BRSK2: variants seen among roughly 807,000 people sequenced by gnomAD.
The protein encoded by BRSK2 is BR serine/threonine kinase 2, also known as serine/threonine-protein kinase BRSK2.
A neutral mutation model predicts 83.3 loss-of-function variants in BRSK2; 19 were observed. The observed-to-expected ratio is 0.23, with a 90% CI of 0.16 to 0.33. The LOEUF is 0.33. Ranked by LOEUF, BRSK2 falls within the 10% of genes least tolerant of loss-of-function variation. BRSK2 has a pLI of 1.00. For missense variants in BRSK2, 798 were observed against 1,042.3 expected, an observed-to-expected ratio of 0.77 and a Z score of 3.23; for synonymous variants, 519 against 435.4, an observed-to-expected ratio of 1.19 and a Z score of -2.39.
At chr11:1,434,059 T>C (rs990888645) in intron 1 of BRSK2, among the ~76,000 whole-genome samples, 1 of 152,230 alleles carries the variant, frequency 6.6e-6, no homozygotes, top group Admixed American at 6.5e-5. Flanking sequence ...AAAGGATTAA[T>C]TTCCCAAAAA....
chr11:1,413,820 C>G (rs1297252850), intron 1 of BRSK2, among the ~76,000 whole-genome samples: 1 of 152,216 alleles, frequency 6.6e-6, no homozygotes, highest in East Asian at 1.9e-4. Flanking sequence ...GGCCCCAGAG[C>G]CAAGGAGCAG....
intron 1 of BRSK2, among the ~76,000 whole-genome samples, chr11:1,427,056 C>G (rs1006804507): frequency 3.9e-5 from 6 of 152,128 alleles, no homozygotes; most frequent in Admixed American, 6.5e-5. Flanking sequence ...CCAGGGCCCC[C>G]TACCCAAACT....
Position 1,392,864 on chromosome 11 carries a change from G to A in BRSK2, c.91+2489G>A, listed in dbSNP as rs190499164. 1.4e-4 allele frequency among the ~76,000 whole-genome samples: 22 copies of A among 152,270 alleles called. No homozygotes were observed. In the East Asian group the frequency reaches 4.1e-3, roughly 28 times the overall value. ...GTAGGGTCGTCCTTCTGCATGGGGCGTCCTCTGCACAGCTCCCCTCGGTGG... is the reference window on the plus strand; with the variant it reads ...GTAGGGTCGTCCTTCTGCATGGGGCATCCTCTGCACAGCTCCCCTCGGTGG... On this transcript the variant is annotated intron_variant, in intron 1 of 19. Transcript: ENST00000528841.
intron 1 of BRSK2, among the ~76,000 whole-genome samples, chr11:1,433,260 C>A (rs1057218491): frequency 6.6e-5 from 10 of 152,366 alleles, no homozygotes; most frequent in African/African-American, 2.4e-4. Flanking sequence ...GGCTTCGCCA[C>A]CTACCCTGGG....
In BRSK2 at chr11:1,442,988, G is replaced by C. The variant is rs571456080; in HGVS notation, c.531-118G>C. 3.4e-6 allele frequency: 4 copies of C among 1,180,484 alleles called. No homozygotes were observed. The South Asian group carries it at 6.2e-5, about 18-fold the overall frequency. The allele number at this position is 1,180,484 out of a possible 1,614,324, so 73.1% of individuals were successfully genotyped here. ...CGCCTGGGGATGCAGGGAATGTGGGGGCGTCTGGCACCACAGCCCTGGAGG... is the reference window on the plus strand; with the variant it reads ...CGCCTGGGGATGCAGGGAATGTGGGCGCGTCTGGCACCACAGCCCTGGAGG... On this transcript the variant is annotated intron_variant, in intron 5 of 19. Transcript: ENST00000528841.
At position 1,442,618 on chromosome 11, in the gene BRSK2, T is replaced by C. The variant is rs769473741; in HGVS notation, c.530+12T>C. On this transcript the variant is annotated intron_variant, in intron 5 of 19. Coordinates refer to ENST00000528841, the MANE Select transcript of BRSK2 (RefSeq NM_001256627.2). ...GAGACCAGCTGTGGGTACGTGGCCC[T>C]CTGCCCTGGAGAGAGGCTGGGGGAC... 6.3e-7 allele frequency: 1 copy of C among 1,598,062 alleles called. No homozygotes were observed. Among genetic ancestry groups the C allele is most frequent in the South Asian group, 1.1e-5 (1 of 90,760 alleles).
At chr11:1,448,756 C>A (rs897058659) in intron 12 of BRSK2, among the ~76,000 whole-genome samples, 2 of 152,224 alleles carry the variant, frequency 1.3e-5, no homozygotes, top group African/African-American at 4.8e-5. Context: ...ATGGGGTCCC[C>A]GTCGCCTCCC....
chr11:1,440,859 C>T lies in BRSK2; in HGVS notation c.344C>T (p.Pro115Leu). 2 of 1,607,760 alleles carry T rather than the reference C, an allele frequency of 1.2e-6. No homozygotes were observed. Among genetic ancestry groups the T allele is most frequent in the Non-Finnish European group, 1.7e-6 (2 of 1,177,300 alleles). The change falls in exon 4 of 20, where the codon CCT becomes CTT. Residue 115 changes from proline to leucine, a missense_variant. Pro to Leu is a moderately conservative substitution (Grantham distance 98). This residue lies in a region of BRSK2 where 109 missense variants were observed against 259.2 expected (regional missense o/e 0.42). Coordinates refer to ENST00000528841, the MANE Select transcript of BRSK2 (RefSeq NM_001256627.2). Reference protein sequence around the residue: ...DYLVKKGRLTPKEARKFFRQI... With the variant: ...DYLVKKGRLTLKEARKFFRQI... Reference sequence around the variant, plus strand: ...CTGGTGAAGAAGGGGAGGCTGACGCCTAAGGAGGCTCGGAAGTTCTTCCGG... The same window carrying T: ...CTGGTGAAGAAGGGGAGGCTGACGCTTAAGGAGGCTCGGAAGTTCTTCCGG...
chr11:1,393,041 C>G (rs968570994), intron 1 of BRSK2, among the ~76,000 whole-genome samples: 4 of 152,254 alleles, frequency 2.6e-5, no homozygotes, highest in Admixed American at 6.5e-5. Flanking sequence ...GGGGTGGGAA[C>G]CCACCTGCAA....
At chr11:1,392,059 T>A (rs1845762083) in intron 1 of BRSK2, among the ~76,000 whole-genome samples, 1 of 152,214 alleles carries the variant, frequency 6.6e-6, no homozygotes, top group Non-Finnish European at 1.5e-5. Flanking sequence ...TCCCGAGTTA[T>A]GACGGGCAGA....
chr11:1,410,850 G>A, intron 1 of BRSK2: 1 of 985,518 alleles, frequency 1.0e-6, no homozygotes, highest in Non-Finnish European at 1.2e-6. Context: ...GTGGCCTGAG[G>A]AGGAGCTTCA....
Position 1,440,898 on chromosome 11 carries a change from C to T in BRSK2, c.383C>T (p.Ala128Val). 3 of 1,609,364 alleles carry T rather than the reference C, an allele frequency of 1.9e-6. No homozygotes were observed. The highest frequency in any genetic ancestry group is 2.5e-6 in the Non-Finnish European group (3 of 1,178,740). ...ARKFFRQIIS[A>V]LDFCHSHSIC... Reference sequence around the variant, plus strand: ...AAGTTCTTCCGGCAGATCATCTCTGCGCTGGACTTCTGCCACAGCCACTCC... The same window carrying T: ...AAGTTCTTCCGGCAGATCATCTCTGTGCTGGACTTCTGCCACAGCCACTCC... The change falls in exon 4 of 20, where the codon GCG (alanine) becomes GTG (valine). Residue 128 changes from alanine to valine, a missense_variant. Coordinates refer to ENST00000528841, the MANE Select transcript of BRSK2 (RefSeq NM_001256627.2).
chr11:1,443,164 C>A, intron 6 of BRSK2, 25 bp downstream of exon 6: 5 of 1,537,104 alleles, frequency 3.3e-6, no homozygotes, highest in Non-Finnish European at 4.4e-6. Context: ...CCGCGTGCAG[C>A]TCTGTGGGGC....
At chr11:1,410,506 G>C in intron 1 of BRSK2, 1 of 985,472 alleles carries the variant, frequency 1.0e-6, no homozygotes, top group South Asian at 4.7e-5. Context: ...TGCTGGGCCC[G>C]CAGACTTCGG....
chr11:1,459,416 C>T, intron 19 of BRSK2, 177 bp downstream of exon 19: 1 of 676,764 alleles, frequency 1.5e-6, no homozygotes, highest in Middle Eastern at 3.7e-4. Context: ...CAGGTCGCTC[C>T]CCTACCACAG....
At chr11:1,445,529 G>C in intron 10 of BRSK2, 42 bp from the exon 11 acceptor site, 1 of 1,600,476 alleles carries the variant, frequency 6.2e-7, no homozygotes, top group East Asian at 2.3e-5. Flanking sequence ...GGAGCCGGCG[G>C]CCCCGTGTGC....
intron 1 of BRSK2, among the ~76,000 whole-genome samples, chr11:1,393,743 C>G (rs1415293901): frequency 6.6e-6 from 1 of 152,110 alleles, no homozygotes; most frequent in Non-Finnish European, 1.5e-5. Context: ...TGGGGGTGAC[C>G]CCAGGCCCAG....
In BRSK2 at chr11:1,461,561, T is replaced by G. The variant is rs921829370; in HGVS notation, c.*838T>G. ...GTGTTATTTATTTGCCGTTTTAATTTATGGATTCTCCGCACCTCTGTTCAG... is the reference window on the plus strand; with the variant it reads ...GTGTTATTTATTTGCCGTTTTAATTGATGGATTCTCCGCACCTCTGTTCAG... On this transcript the variant is annotated 3_prime_UTR_variant, in exon 20 of 20. Transcript: ENST00000528841. 4 of 163,938 alleles carry G rather than the reference T, an allele frequency of 2.4e-5. No homozygotes were observed. The Admixed American group carries it at 2.6e-4, about 11-fold the overall frequency. 10.2% of individuals were successfully genotyped at this position (163,938 alleles called of 1,614,324 possible).
At chr11:1,411,682 T>C (rs1367258496) in intron 1 of BRSK2, 3 of 1,532,154 alleles carry the variant, frequency 2.0e-6, no homozygotes, top group African/African-American at 2.7e-5. Flanking sequence ...GGGAGGAGTG[T>C]GTTCATGTGT....
Sources: allele counts gnomAD v4.1 joint callset (sites outside exome capture counted in the v4.1 genomes callset), GRCh38; gene constraint gnomAD v4.1.1; regional missense constraint gnomAD v4.1.1; transcripts MANE v1.5; gene names NCBI Gene and HGNC (gene_info 2026-07-23, HGNC 2026-07-21).